HGD: variants seen among roughly 807,000 people sequenced by gnomAD.
HGD encodes homogentisate 1,2-dioxygenase, also known as homogentisate oxidase.
HGD carries 61 observed loss-of-function variants against 60.8 expected under a neutral mutation model. The ratio of observed to expected loss-of-function variants is 1.00; its 90% CI spans 0.82 to 1.24. The LOEUF (loss-of-function observed/expected upper bound fraction) is 1.24. HGD is among the 50% of genes most tolerant of loss of function. HGD has a pLI of 0.00. For missense variants in HGD, 542 were observed against 547.1 expected (o/e 0.99, Z 0.09); for synonymous variants, 212 against 187.7 (o/e 1.13, Z -1.06).
intron 8 of HGD, 150 bp downstream of exon 8, chr3:120,646,823 A>C: frequency 1.4e-6 from 1 of 737,072 alleles, no homozygotes; most frequent in Non-Finnish European, 2.5e-6. Context: ...CTTACTCTTC[A>C]GCACATGGAA....
chr3:120,665,524 T>C (rs1707878862), intron 4 of HGD, among the ~76,000 whole-genome samples: 1 of 152,248 alleles, frequency 6.6e-6, no homozygotes, highest in African/African-American at 2.4e-5. Context: ...ACACATAAAA[T>C]TAGGTATACT....
intron 4 of HGD, among the ~76,000 whole-genome samples, chr3:120,667,862 C>T (rs1707934893): frequency 6.6e-6 from 1 of 152,166 alleles, no homozygotes; most frequent in Admixed American, 6.5e-5. Flanking sequence ...TATAATCCCT[C>T]ATTTAGTTAA....
chr3:120,660,681 C>T (rs550373773), intron 4 of HGD, among the ~76,000 whole-genome samples: 105 of 152,148 alleles, frequency 6.9e-4, no homozygotes, highest in Admixed American at 2.6e-4. Context: ...AAAAATTAGC[C>T]GGGCATGGTG....
intron 12 of HGD, chr3:120,633,577 G>A: frequency 7.0e-7 from 1 of 1,438,644 alleles, no homozygotes; most frequent in Non-Finnish European, 9.2e-7. Context: ...TCTCTGACAG[G>A]AATCAGGCTA....
chr3:120,629,343 CA>C (rs993712937), intron 13 of HGD, among the ~76,000 whole-genome samples: 8 of 152,118 alleles, frequency 5.3e-5, no homozygotes, highest in African/African-American at 1.4e-4. Flanking sequence ...ATAATACAGA[CA>C]GGCAAAAGGA....
chr3:120,661,671 C>A (rs746284463), intron 4 of HGD, among the ~76,000 whole-genome samples: 1 of 152,212 alleles, frequency 6.6e-6, no homozygotes, highest in African/African-American at 2.4e-5. Context: ...GGTTTGCAGA[C>A]AGCGCCAATA....
intron 3 of HGD, 89 bp downstream of exon 3, chr3:120,674,812 G>C (rs1708091116): frequency 1.2e-6 from 1 of 863,326 alleles, no homozygotes; most frequent in Non-Finnish European, 2.0e-6. Flanking sequence ...GGCAGCTCTG[G>C]GAGGCTGTGG....
chr3:120,676,918 C>T (rs1056693766), intron 1 of HGD, among the ~76,000 whole-genome samples: 11 of 152,086 alleles, frequency 7.2e-5, no homozygotes, highest in Admixed American at 2.0e-4. Context: ...GGCAGAAGTT[C>T]GTGGATTGTG....
rs560064070 is a variant in HGD at position 120,671,052 on chromosome 3, A to G, written c.177-520T>C. On this transcript the variant is annotated intron_variant, in intron 3 of 13. Coordinates refer to ENST00000283871, the MANE Select transcript of HGD (RefSeq NM_000187.4). ...ACATGCCAAAGGTAAAAATAATTCAAGTAATTAAAAAGTCCTGAAAGGTAA... is the reference window on the plus strand; with the variant it reads ...ACATGCCAAAGGTAAAAATAATTCAGGTAATTAAAAAGTCCTGAAAGGTAA... Among the ~76,000 whole-genome samples the G allele has an allele frequency of 5.3e-5, 8 of 152,338 alleles. No individual in the cohort carries two copies. In the South Asian group the frequency reaches 1.7e-3, roughly 32 times the overall value.
At chr3:120,642,579 C>CA (rs1941022145) in intron 10 of HGD, among the ~76,000 whole-genome samples, 1 of 152,154 alleles carries the variant, frequency 6.6e-6, no homozygotes, top group Non-Finnish European at 1.5e-5. Context: ...AAGGTGTATA[C>CA]AGTCTCACCA....
intron 6 of HGD, among the ~76,000 whole-genome samples, chr3:120,650,448 C>T (rs535700161): frequency 1.4e-4 from 21 of 152,216 alleles, no homozygotes; most frequent in Non-Finnish European, 2.6e-4. Flanking sequence ...CAAACAACAA[C>T]AAAAGCATAT....
intron 11 of HGD, among the ~76,000 whole-genome samples, chr3:120,640,792 G>T (rs1261829763): frequency 6.6e-6 from 1 of 152,090 alleles, no homozygotes; most frequent in Non-Finnish European, 1.5e-5. Context: ...AAGAGTTGCT[G>T]CTGTTTGGAG....
chr3:120,659,085 A>T (rs1032947476), intron 4 of HGD, among the ~76,000 whole-genome samples: 2 of 152,220 alleles, frequency 1.3e-5, no homozygotes, highest in Non-Finnish European at 2.9e-5. Flanking sequence ...CTTGGCTATC[A>T]GCATTTGGCT....
intron 9 of HGD, among the ~76,000 whole-genome samples, chr3:120,644,800 G>A (rs1489645077): frequency 2.0e-5 from 3 of 152,160 alleles, no homozygotes; most frequent in Non-Finnish European, 4.4e-5. Context: ...TTTTTCTTTT[G>A]AAGGAACCCT....
At chr3:120,662,230 T>C (rs1707788524) in intron 4 of HGD, among the ~76,000 whole-genome samples, 1 of 152,100 alleles carries the variant, frequency 6.6e-6, no homozygotes, top group Non-Finnish European at 1.5e-5. Flanking sequence ...GATGGTTAGA[T>C]TTAAAGATTT....
chr3:120,631,172 CCT>C (rs1207997193), intron 13 of HGD, among the ~76,000 whole-genome samples: 2 of 151,880 alleles, frequency 1.3e-5, no homozygotes, highest in Non-Finnish European at 2.9e-5. Context: ...ACAATAAACC[CCT>C]GTGACATCAG....
chr3:120,665,442 A>G (rs1707877114), intron 4 of HGD, among the ~76,000 whole-genome samples: 1 of 152,224 alleles, frequency 6.6e-6, no homozygotes, highest in South Asian at 2.1e-4. Flanking sequence ...TCTAGCTGAA[A>G]TCTGTAAAAT....
At chr3:120,675,655 C>G in intron 2 of HGD, 137 bp downstream of exon 2, 1 of 719,548 alleles carries the variant, frequency 1.4e-6, no homozygotes, top group Non-Finnish European at 2.6e-6. Flanking sequence ...TCTTCATTGC[C>G]CCTATGACTT....
intron 13 of HGD, among the ~76,000 whole-genome samples, chr3:120,629,838 C>T (rs1212978733): frequency 6.6e-6 from 1 of 152,152 alleles, no homozygotes; most frequent in African/African-American, 2.4e-5. Context: ...CAACCTATCC[C>T]TGTTTGCAGA....
Sources: allele counts gnomAD v4.1 joint callset (sites outside exome capture counted in the v4.1 genomes callset), GRCh38; gene constraint gnomAD v4.1.1; transcripts MANE v1.5; gene names NCBI Gene and HGNC (gene_info 2026-07-23, HGNC 2026-07-21).